The following CNTN2 variants were observed in gnomAD, a reference collection of about 807,000 sequenced individuals.
CNTN2 encodes the protein contactin-2.
Under a neutral mutation model 117.5 loss-of-function variants are expected in CNTN2, and 53 were observed. The observed-to-expected ratio is 0.45, with a 90% CI of 0.36 to 0.57. The LOEUF is 0.57. Ranked by LOEUF, CNTN2 falls within the 20% of genes least tolerant of loss-of-function variation. CNTN2 has a pLI of 0.00. For missense variants in CNTN2, 1,106 were observed against 1,404.3 expected, an observed-to-expected ratio of 0.79 and a Z score of 3.39; for synonymous variants, 530 against 561.7, an observed-to-expected ratio of 0.94 and a Z score of 0.80.
At chr1:205,064,253 G>T in intron 10 of CNTN2, 69 bp from the exon 11 acceptor site, 1 of 1,498,314 alleles carries the variant, frequency 6.7e-7, no homozygotes, top group Non-Finnish European at 8.9e-7. Flanking sequence ...GGCTTCAAAG[G>T]GCACGCCAAG....
chr1:205,061,181 C>G lies in CNTN2; in HGVS notation c.798-64C>G. 6.6e-7 allele frequency: 1 copy of G among 1,518,370 alleles called. No homozygotes were observed. The highest frequency in any genetic ancestry group is 8.9e-7 in the Non-Finnish European group (1 of 1,119,832). 94.1% of individuals were successfully genotyped at this position (1,518,370 alleles called of 1,614,324 possible). ...GGCCTGAGAGTCTGGGTATGAGGAG[C>G]TGCGGGCACTGGAGGGGTAGGCCCA... On this transcript the variant is annotated intron_variant, in intron 7 of 22. Coordinates refer to ENST00000331830, the MANE Select transcript of CNTN2 (RefSeq NM_005076.5). This position sits in a 1 kb window ranked among gnomAD's most constrained non-coding sequence, Gnocchi z 4.8.
rs550015659 is a variant in CNTN2 at position 205,062,394 on chromosome 1, G to T, written c.1111-46G>T. 12 of 1,571,008 alleles carry T rather than the reference G, an allele frequency of 7.6e-6. No individual in the cohort carries two copies. In the African/African-American group the frequency reaches 1.6e-4, roughly 21 times the overall value. On this transcript the variant is annotated intron_variant, in intron 9 of 22. Coordinates refer to ENST00000331830, the MANE Select transcript of CNTN2 (RefSeq NM_005076.5). ...CCCCTGCCAACCCCTCCTCCCTGTG[G>T]CTCCTGTGGTCCTGATCCCCCTGGG...
In CNTN2 at chr1:205,058,391, A is replaced by C; in HGVS notation, c.391+35A>C. 6.7e-7 allele frequency: 1 copy of C among 1,494,860 alleles called. No homozygotes were observed. Among genetic ancestry groups the C allele is most frequent in the Non-Finnish European group, 9.0e-7 (1 of 1,105,052 alleles). The allele number at this position is 1,494,860 out of a possible 1,614,324, so 92.6% of individuals were successfully genotyped here. A position where few individuals can be genotyped will look rare whatever the true frequency, so the allele number is the denominator to read the frequency against. On this transcript the variant is annotated intron_variant, in intron 4 of 22. Transcript: ENST00000331830. This position sits in a 1 kb window ranked among gnomAD's most constrained non-coding sequence, Gnocchi z 4.3. ...GCGGGGGACCAAGACACTTTGGGGG[A>C]GGGGGAGAGGGGGCTAGGAGAAATT... is the stretch of plus-strand genomic sequence containing the variant.
intron 10 of CNTN2, 95 bp downstream of exon 10, chr1:205,062,664 T>G: frequency 4.4e-6 from 6 of 1,371,416 alleles, no homozygotes; most frequent in East Asian, 2.6e-5. Context: ...CACATGCACA[T>G]ACCCTGTGGC....
Position 205,073,099 on chromosome 1 carries a change from C to T in CNTN2, c.2876C>T (p.Pro959Leu), listed in dbSNP as rs771451066. The T allele has an allele frequency of 6.2e-7, 1 of 1,614,118 alleles. No homozygotes were observed. The highest frequency in any genetic ancestry group is 8.5e-7 in the Non-Finnish European group (1 of 1,179,998). The change falls in exon 22 of 23, where the codon CCC (proline) becomes CTC (leucine). Residue 959 changes from proline (P) to leucine (L), a missense_variant. Pro to Leu is a moderately conservative substitution (Grantham distance 98). Coordinates refer to ENST00000331830, the MANE Select transcript of CNTN2 (RefSeq NM_005076.5). The surrounding 1 kb of genome is among the most constrained non-coding windows in gnomAD (Gnocchi z 6.3). Reference sequence around the variant, plus strand: ...TACCAGAATGACTTACACCTGACTCCCACGCTCCACCTCACCGGCAAGAAC... The same window carrying T: ...TACCAGAATGACTTACACCTGACTCTCACGCTCCACCTCACCGGCAAGAAC... ...MLYQNDLHLT[P>L]TLHLTGKNWI...
In CNTN2 at chr1:205,044,097, C is replaced by A. The variant is rs374138331; in HGVS notation, c.-87+703C>A. Among the ~76,000 whole-genome samples, 8 of 152,172 alleles carry A rather than the reference C, an allele frequency of 5.3e-5. No homozygotes were observed. The South Asian group carries it at 1.0e-3, about 20-fold the overall frequency. On this transcript the variant is annotated intron_variant, in intron 1 of 22. Coordinates refer to ENST00000331830, the MANE Select transcript of CNTN2 (RefSeq NM_005076.5). ...TTAGCTTCTCCTCAAATCCCTCCCC[C>A]CCATCCTCACTGGTGGGAGGGAAGA... is the stretch of plus-strand genomic sequence containing the variant.
intron 2 of CNTN2, chr1:205,057,262 A>C (rs1653695254): frequency 6.6e-6 from 1 of 152,286 alleles, no homozygotes; most frequent in Non-Finnish European, 1.5e-5. Context: ...TCCCACAGCT[A>C]GTAGAGGGCC....
rs756279384 is a variant in CNTN2, at chr1:205,065,938, C to T, written c.1816+29C>T. 6.3e-7 allele frequency: 1 copy of T among 1,586,248 alleles called. No homozygotes were observed. The highest frequency in any genetic ancestry group is 1.7e-5 in the Admixed American group (1 of 57,616). ...AGGGGTTTCCCACCTCTACCCCTAC[C>T]CCAACTCCCTTAAAACCCAGCTGGG... On this transcript the variant is annotated intron_variant, in intron 14 of 22. Transcript: ENST00000331830. This position sits in a 1 kb window ranked among gnomAD's most constrained non-coding sequence, Gnocchi z 4.1.
chr1:205,061,132 C>T lies in CNTN2; in HGVS notation c.798-113C>T, dbSNP rs1394853524. ...GAAGGCACCCTCTCTCCCTCTGTTC[C>T]TCCCAGGCCCAGCATCTCAGGAGGG... is the stretch of plus-strand genomic sequence containing the variant. On this transcript the variant is annotated intron_variant, in intron 7 of 22. Coordinates refer to ENST00000331830, the MANE Select transcript of CNTN2 (RefSeq NM_005076.5). The surrounding 1 kb of genome is among the most constrained non-coding windows in gnomAD (Gnocchi z 4.8). 9.8e-6 allele frequency: 12 copies of T among 1,218,516 alleles called. No homozygotes were observed. Among genetic ancestry groups the T allele is most frequent in the Non-Finnish European group, 1.4e-5 (12 of 882,530 alleles). 75.5% of individuals were successfully genotyped at this position (1,218,516 alleles called of 1,614,324 possible). A position where few individuals can be genotyped will look rare whatever the true frequency, so the allele number is the denominator to read the frequency against.
chr1:205,066,415 C>T (rs112799211), intron 14 of CNTN2, 26 bp from the exon 15 acceptor site: 1 of 1,608,862 alleles, frequency 6.2e-7, no homozygotes, highest in East Asian at 2.2e-5. Flanking sequence ...AATTCTGACC[C>T]ACTGTGCTCT....
At chr1:205,066,258 A>C in intron 14 of CNTN2, 183 bp from the exon 15 acceptor site, 1 of 683,408 alleles carries the variant, frequency 1.5e-6, no homozygotes, top group South Asian at 1.9e-5. Context: ...CCCTCCACCC[A>C]ACAACTGGCA....
chr1:205,067,027 T>G, intron 15 of CNTN2, 74 bp from the exon 16 acceptor site: 2 of 1,522,758 alleles, frequency 1.3e-6, no homozygotes, highest in East Asian at 2.3e-5. Flanking sequence ...AAGGGGTGAT[T>G]CAGGCCAGTG....
Position 205,059,415 on chromosome 1 carries a change from A to G in CNTN2, c.697+122A>G. ...GCAGGGCACTGATTCCAGGCCCTGG[A>G]CCCCCAGATCCTCCTGCTTCAAATC... On this transcript the variant is annotated intron_variant, in intron 6 of 22. Transcript: ENST00000331830. This position sits in a 1 kb window ranked among gnomAD's most constrained non-coding sequence, Gnocchi z 5.6. 8.5e-7 allele frequency: 1 copy of G among 1,182,358 alleles called. No homozygotes were observed. Among genetic ancestry groups the G allele is most frequent in the Non-Finnish European group, 1.2e-6 (1 of 822,396 alleles). 73.2% of individuals were successfully genotyped at this position (1,182,358 alleles called of 1,614,324 possible). A position where few individuals can be genotyped will look rare whatever the true frequency, so the allele number is the denominator to read the frequency against.
rs1221890068 is a variant in CNTN2, at chr1:205,062,436, A to G, written c.1111-4A>G. ...CCCCCTGGGCTCTGGGCTCTTCTGC[A>G]CAGAACCGGGTGGAGGTGTTGGCTG... On this transcript the variant is annotated splice_polypyrimidine_tract_variant and splice_region_variant and intron_variant, in intron 9 of 22. Coordinates refer to ENST00000331830, the MANE Select transcript of CNTN2 (RefSeq NM_005076.5). The G allele has an allele frequency of 6.2e-7, 1 of 1,611,488 alleles. No homozygotes were observed. The highest frequency in any genetic ancestry group is 1.1e-5 in the South Asian group (1 of 90,582).
rs139732336 is a variant in CNTN2 at position 205,061,394 on chromosome 1, C to T, written c.947C>T (p.Thr316Ile). The T allele has an allele frequency of 5.9e-3, 9,457 of 1,612,648 alleles. 45 individuals carry two copies. The highest frequency in any genetic ancestry group is 6.7e-3 in the Non-Finnish European group (7,861 of 1,179,388). Residue 316 changes from threonine to isoleucine, a missense_variant, in exon 8 of 23, where the codon ACC (threonine) becomes ATC (isoleucine). By Grantham distance (89) the Thr-to-Ile change is moderately conservative. Coordinates refer to ENST00000331830, the MANE Select transcript of CNTN2 (RefSeq NM_005076.5). The surrounding 1 kb of genome is among the most constrained non-coding windows in gnomAD (Gnocchi z 4.8). The part of the protein sequence containing the change: ...CEAENSKGRD[T>I]VQGRIIVQAQ... ...GCGGAGAACTCCAAGGGCCGAGACA[C>T]CGTGCAGGGCCGCATCATCGTGCAG...
rs1654928464 is a variant in CNTN2 at position 205,077,665 on chromosome 1, A to G, written c.*3900A>G. The G allele has an allele frequency of 6.6e-6, 1 of 152,326 alleles. No individual in the cohort carries two copies. Among genetic ancestry groups the G allele is most frequent in the Non-Finnish European group, 1.5e-5 (1 of 68,104 alleles). The allele number at this position is 152,326 out of a possible 1,614,324, so 9.4% of individuals were successfully genotyped here. ...ATAGGCTTTGGGAAGACAGGACGTAAAGGAAAATGAGAGAAACAAAATGGG... is the reference window on the plus strand; with the variant it reads ...ATAGGCTTTGGGAAGACAGGACGTAGAGGAAAATGAGAGAAACAAAATGGG... On this transcript the variant is annotated 3_prime_UTR_variant, in exon 23 of 23. Transcript: ENST00000331830.
chr1:205,054,229 C>T (rs1207547862), intron 2 of CNTN2, among the ~76,000 whole-genome samples: 1 of 152,232 alleles, frequency 6.6e-6, no homozygotes, highest in Non-Finnish European at 1.5e-5. Context: ...ACCTCCCCTA[C>T]CCCACACCCC....
chr1:205,058,199 C>A lies in CNTN2; in HGVS notation c.234C>A (p.Thr78=). 6.3e-7 allele frequency: 1 copy of A among 1,584,522 alleles called. No homozygotes were observed. Among genetic ancestry groups the A allele is most frequent in the South Asian group, 1.2e-5 (1 of 85,698 alleles). ...GCTGCAGGTGGAAGATGAATGGTAC[C>A]GAGATGAAGCTGGAGCCAGGTTCCC... is the stretch of plus-strand genomic sequence containing the variant. ...PATYRWKMNG[T]EMKLEPGSRH... is the part of the protein sequence containing the mutation. The change falls in exon 4 of 23, where the codon ACC becomes ACA. Residue 78 remains threonine, a synonymous_variant. Transcript: ENST00000331830. The surrounding 1 kb of genome is among the most constrained non-coding windows in gnomAD (Gnocchi z 4.3).
chr1:205,069,386 T>G, intron 16 of CNTN2, 105 bp from the exon 17 acceptor site: 1 of 1,109,626 alleles, frequency 9.0e-7, no homozygotes, highest in Non-Finnish European at 1.3e-6. Flanking sequence ...CAGGGCCCAG[T>G]TGAAGGGGTT....
Sources: gnomAD v4.1 joint callset for allele counts (sites outside exome capture counted in the v4.1 genomes callset) on GRCh38, gnomAD v4.1.1 for gene constraint, Gnocchi (gnomAD v3.1) non-coding constraint, MANE v1.5 for transcripts, NCBI Gene and HGNC (gene_info 2026-07-23, HGNC 2026-07-21) for gene names.